CHD6: variants seen among roughly 807,000 people sequenced by gnomAD.
CHD6 encodes the protein ATP-dependent chromatin remodeler CHD6.
In CHD6, 50 loss-of-function variants were observed where a neutral mutation model predicts 276.9. The ratio of observed to expected loss-of-function variants is 0.18; its 90% CI spans 0.14 to 0.23. The LOEUF (loss-of-function observed/expected upper bound fraction) is 0.23. CHD6 is among the 10% of genes least tolerant of loss of function. CHD6 has a pLI of 1.00. For missense variants in CHD6, 2,564 were observed against 3,365.8 expected (o/e 0.76, Z 5.89); for synonymous variants, 1,173 against 1,229.3 (o/e 0.95, Z 0.96).
At chr20:41,464,792 G>A (rs929921031) in intron 17 of CHD6, among the ~76,000 whole-genome samples, 2 of 152,274 alleles carry the variant, frequency 1.3e-5, no homozygotes, top group East Asian at 1.9e-4. Context: ...AGCAAGGATC[G>A]TTGGAGAATG....
At chr20:41,528,280 C>T (rs989680973) in intron 3 of CHD6, among the ~76,000 whole-genome samples, 3 of 152,122 alleles carry the variant, frequency 2.0e-5, no homozygotes, top group Admixed American at 2.0e-4. Context: ...TGACCCCTGC[C>T]TTTCTGATCC....
intron 5 of CHD6, among the ~76,000 whole-genome samples, chr20:41,504,230 T>C (rs1389630896): frequency 2.0e-5 from 3 of 151,854 alleles, no homozygotes; most frequent in Admixed American, 6.6e-5. Flanking sequence ...TCTGTCTTCA[T>C]AGTCACTCCT....
intron 3 of CHD6, among the ~76,000 whole-genome samples, chr20:41,527,403 A>G (rs2044568188): frequency 6.6e-6 from 1 of 152,178 alleles, no homozygotes; most frequent in South Asian, 2.1e-4. Context: ...CCTGGGCGAC[A>G]GAGCGAGACC....
At chr20:41,552,206 T>C (rs1385254161) in intron 1 of CHD6, among the ~76,000 whole-genome samples, 5 of 152,244 alleles carry the variant, frequency 3.3e-5, no homozygotes, top group South Asian at 2.1e-4. Context: ...GATTATAGAA[T>C]CTCAGGCTTC....
rs530799754 is a variant in CHD6 at position 41,484,000 on chromosome 20, A to G, written c.2257+352T>C. ...CTCATTGCAGCACTTTCACTGATTCAACTAAGTAACACATTTCCCTGTCCC... is the reference window on the plus strand; with the variant it reads ...CTCATTGCAGCACTTTCACTGATTCGACTAAGTAACACATTTCCCTGTCCC... On this transcript the variant is annotated intron_variant, in intron 15 of 36. Coordinates refer to ENST00000373233, the MANE Select transcript of CHD6 (RefSeq NM_032221.5). 5.1e-4 allele frequency among the ~76,000 whole-genome samples: 77 copies of G among 152,338 alleles called. 1 individual carries two copies. The highest frequency in any genetic ancestry group is 1.6e-3 in the African/African-American group (67 of 41,580).
At chr20:41,572,349 A>T (rs189111905) in intron 1 of CHD6, among the ~76,000 whole-genome samples, 1 of 152,278 alleles carries the variant, frequency 6.6e-6, no homozygotes, top group East Asian at 1.9e-4. Context: ...ACATGCACAA[A>T]GCACAAAGCA....
At chr20:41,568,459 AATT>A (rs1266898211) in intron 1 of CHD6, among the ~76,000 whole-genome samples, 1 of 152,238 alleles carries the variant, frequency 6.6e-6, no homozygotes, top group Non-Finnish European at 1.5e-5. Flanking sequence ...ACTTTGAGAT[AATT>A]AATAAAAGAA....
At chr20:41,414,970 C>T in intron 34 of CHD6, 1 of 1,396,816 alleles carries the variant, frequency 7.2e-7, no homozygotes, top group Middle Eastern at 2.6e-4. Flanking sequence ...CCTCCTGGCT[C>T]ATTTCTCCAG....
intron 14 of CHD6, among the ~76,000 whole-genome samples, chr20:41,486,620 A>G (rs180779010): frequency 6.6e-6 from 1 of 152,238 alleles, no homozygotes; most frequent in East Asian, 1.9e-4. Flanking sequence ...ACCCACTTAC[A>G]CACCATTGCT....
At chr20:41,411,961 C>A (rs1165205518) in intron 36 of CHD6, among the ~76,000 whole-genome samples, 183 bp downstream of exon 36, 1 of 152,192 alleles carries the variant, frequency 6.6e-6, no homozygotes, top group Middle Eastern at 3.2e-3. Flanking sequence ...AGTCACAGAG[C>A]GCTCAAAAAT....
intron 5 of CHD6, 145 bp from the exon 6 acceptor site, chr20:41,499,502 T>C: frequency 1.6e-6 from 1 of 610,016 alleles, no homozygotes; most frequent in Non-Finnish European, 2.8e-6. Context: ...CACAGAGTGG[T>C]CAAAAGGTCA....
At chr20:41,483,621 C>T in intron 15 of CHD6, 102 bp from the exon 16 acceptor site, 1 of 835,996 alleles carries the variant, frequency 1.2e-6, no homozygotes, top group Middle Eastern at 3.6e-4. Context: ...ATTCTTAGGT[C>T]CTAGACCAGC....
intron 10 of CHD6, 109 bp from the exon 11 acceptor site, chr20:41,491,928 A>G: frequency 8.3e-7 from 1 of 1,210,488 alleles, no homozygotes; most frequent in South Asian, 1.3e-5. Context: ...GCTGGTTTCA[A>G]ACTATAGTTA....
At chr20:41,597,324 T>C (rs1353354541) in intron 1 of CHD6, among the ~76,000 whole-genome samples, 2 of 152,202 alleles carry the variant, frequency 1.3e-5, no homozygotes, top group Non-Finnish European at 2.9e-5. Flanking sequence ...AAATGTTTTA[T>C]GGGTTGCCTT....
At chr20:41,567,244 C>T (rs1028921126) in intron 1 of CHD6, among the ~76,000 whole-genome samples, 1 of 152,184 alleles carries the variant, frequency 6.6e-6, no homozygotes, top group South Asian at 2.1e-4. Flanking sequence ...GTGGTAACAA[C>T]ACAGTGCCTT....
rs150443439 is a variant in CHD6 at position 41,425,665 on chromosome 20, A to G, written c.4130-271T>C. 2.2e-3 allele frequency among the ~76,000 whole-genome samples: 337 copies of G among 152,262 alleles called. 5 individuals carry two copies. The highest frequency in any genetic ancestry group is 0.019 in the Admixed American group (298 of 15,294). ...AGAAGTTATGTGAGGACTTTGCTCT[A>G]AAGCACAGGAATGAGCAGATCCTTT... On this transcript the variant is annotated intron_variant, in intron 28 of 36. Transcript: ENST00000373233.
intron 32 of CHD6, among the ~76,000 whole-genome samples, 196 bp downstream of exon 32, chr20:41,417,002 T>C (rs1373247528): frequency 1.3e-5 from 2 of 152,232 alleles, no homozygotes; most frequent in Non-Finnish European, 2.9e-5. Context: ...GAGGACAATT[T>C]GACACCTTCA....
chr20:41,592,099 A>G (rs1036909374), intron 1 of CHD6, among the ~76,000 whole-genome samples: 1 of 152,146 alleles, frequency 6.6e-6, no homozygotes, highest in African/African-American at 2.4e-5. Context: ...ACTCTGTATC[A>G]AACAAACAAA....
chr20:41,481,120 A>ATATAT (rs1053646630), intron 16 of CHD6, among the ~76,000 whole-genome samples: 77 of 150,212 alleles, frequency 5.1e-4, no homozygotes, highest in South Asian at 4.2e-3. Flanking sequence ...AAGAAAAAAA[A>ATATAT]ATATATATAT....
Sources: allele counts gnomAD v4.1 joint callset (sites outside exome capture counted in the v4.1 genomes callset), GRCh38; gene constraint gnomAD v4.1.1; transcripts MANE v1.5; gene names NCBI Gene and HGNC (gene_info 2026-07-23, HGNC 2026-07-21).